KIF16B: variants seen among roughly 807,000 people sequenced by gnomAD.
The protein encoded by KIF16B is kinesin-like protein KIF16B.
Under a neutral mutation model 156.3 loss-of-function variants are expected in KIF16B, and 98 were observed. The ratio of observed to expected loss-of-function variants is 0.63; its 90% confidence interval spans 0.53 to 0.74. The LOEUF (loss-of-function observed/expected upper bound fraction) is 0.74. KIF16B is among the 30% of genes least tolerant of loss of function. The pLI, the probability that KIF16B is intolerant of heterozygous loss-of-function variation, is 0.00. For synonymous variants in KIF16B, 564 were observed against 583.7 expected, an observed-to-expected ratio of 0.97 and a Z score of 0.49; for missense variants, 1,421 against 1,606.5, an observed-to-expected ratio of 0.88 and a Z score of 1.97.
At position 16,407,311 on chromosome 20, in the gene KIF16B, C is replaced by T. The variant is rs1043690560; in HGVS notation, c.1613-855G>A. Among the ~76,000 whole-genome samples, 10 of 152,098 alleles carry T rather than the reference C, an allele frequency of 6.6e-5. No homozygotes were observed. The East Asian group carries it at 1.9e-3, about 29-fold the overall frequency. On this transcript the variant is annotated intron_variant, in intron 15 of 25. Coordinates refer to ENST00000354981, the MANE Select transcript of KIF16B (RefSeq NM_024704.5). ...GAGGTTCACTGTGTCTTCTGAAGTC[C>T]CATCCATGTATGAGAGGCCACGTGT... is the stretch of plus-strand genomic sequence containing the variant.
intron 15 of KIF16B, among the ~76,000 whole-genome samples, chr20:16,417,962 G>GA (rs200881936): frequency 4.0e-5 from 6 of 150,912 alleles, no homozygotes; most frequent in African/African-American, 1.2e-4. Flanking sequence ...TAGTGCGGGG[G>GA]AAAAAAAAAT....
At chr20:16,277,310 C>A (rs1183462068) in intron 25 of KIF16B, among the ~76,000 whole-genome samples, 2 of 152,120 alleles carry the variant, frequency 1.3e-5, no homozygotes, top group African/African-American at 2.4e-5. Flanking sequence ...CTGAACTCTT[C>A]TTCACTAATG....
chr20:16,382,459 T>G (rs1289463552), intron 17 of KIF16B, among the ~76,000 whole-genome samples: 1 of 152,220 alleles, frequency 6.6e-6, no homozygotes, highest in Non-Finnish European at 1.5e-5. Context: ...ATAGTTATAC[T>G]GCATGTAGGT....
chr20:16,279,367 G>C (rs1364554360), intron 25 of KIF16B, among the ~76,000 whole-genome samples: 1 of 152,140 alleles, frequency 6.6e-6, no homozygotes, highest in Non-Finnish European at 1.5e-5. Context: ...TCAAGAGTTT[G>C]AGAAATTCAG....
Position 16,381,702 on chromosome 20 carries a change from T to C in KIF16B, c.1830A>G (p.Glu610=). Residue 610 remains glutamate, a synonymous_variant, in exon 18 of 26, where the codon GAA becomes GAG. Coordinates refer to ENST00000354981, the MANE Select transcript of KIF16B (RefSeq NM_024704.5). ...AACCCCATGTGACTTACCTTTTACT[T>C]TCTAATTTTTCAAGTTCTTCACGCT... The part of the protein sequence containing the change: ...RQQREELEKL[E]SKRKLIEEME... 1 of 1,612,220 alleles carries C rather than the reference T, an allele frequency of 6.2e-7. No homozygotes were observed. Among genetic ancestry groups the C allele is most frequent in the African/African-American group, 1.3e-5 (1 of 75,014 alleles).
chr20:16,365,934 G>A (rs547259032), intron 22 of KIF16B, among the ~76,000 whole-genome samples: 12 of 152,318 alleles, frequency 7.9e-5, no homozygotes, highest in African/African-American at 2.9e-4. Flanking sequence ...GAGCAAGACA[G>A]AAGCACGTCT....
chr20:16,352,112 A>G (rs2064349666), intron 23 of KIF16B, among the ~76,000 whole-genome samples: 1 of 152,234 alleles, frequency 6.6e-6, no homozygotes, highest in Non-Finnish European at 1.5e-5. Flanking sequence ...CCTTGGTGCC[A>G]GAACATGGGC....
intron 12 of KIF16B, among the ~76,000 whole-genome samples, chr20:16,454,752 CT>C (rs2067171215): frequency 6.6e-6 from 1 of 152,050 alleles, no homozygotes; most frequent in Non-Finnish European, 1.5e-5. Flanking sequence ...GGAATCAAGG[CT>C]TTCAGCGTAA....
intron 25 of KIF16B, among the ~76,000 whole-genome samples, chr20:16,278,620 G>A (rs12480021): frequency 0.09 from 13,632 of 152,250 alleles, 872 homozygotes; most frequent in East Asian, 0.34. Context: ...CCATGGGTCT[G>A]TTCCAAAGAA....
At chr20:16,396,863 C>T (rs2146208377) in intron 17 of KIF16B, among the ~76,000 whole-genome samples, 1 of 151,844 alleles carries the variant, frequency 6.6e-6, no homozygotes, top group South Asian at 2.1e-4. Context: ...TGGGATGATG[C>T]TCCTTCAATG....
At chr20:16,312,237 T>C (rs2063629773) in intron 25 of KIF16B, 98 bp downstream of exon 25, 1 of 811,546 alleles carries the variant, frequency 1.2e-6, no homozygotes, top group African/African-American at 1.7e-5. Context: ...ATCTTCACAC[T>C]TGTGAAGAAA....
At chr20:16,304,641 T>G (rs1257142016) in intron 25 of KIF16B, among the ~76,000 whole-genome samples, 1 of 152,242 alleles carries the variant, frequency 6.6e-6, no homozygotes, top group African/African-American at 2.4e-5. Flanking sequence ...TCTCTATGTT[T>G]GATAATGGTT....
intron 12 of KIF16B, among the ~76,000 whole-genome samples, chr20:16,489,147 G>C (rs977247599): frequency 6.6e-6 from 1 of 152,168 alleles, no homozygotes. Flanking sequence ...AGTATTTCCC[G>C]AGGGCAAGGC....
chr20:16,494,445 C>A, intron 11 of KIF16B, 95 bp from the exon 12 acceptor site: 1 of 738,320 alleles, frequency 1.4e-6, no homozygotes, highest in South Asian at 1.9e-5. Flanking sequence ...GAAAGATGTA[C>A]TATAATTTTT....
intron 15 of KIF16B, among the ~76,000 whole-genome samples, chr20:16,411,204 C>T (rs56253434): frequency 0.012 from 1,777 of 152,218 alleles, 14 homozygotes; most frequent in Middle Eastern, 0.02. Flanking sequence ...TTTTCATGAT[C>T]AGCTTCCCAT....
intron 22 of KIF16B, chr20:16,367,327 T>A (rs745844596): frequency 6.2e-7 from 1 of 1,612,914 alleles, no homozygotes; most frequent in Admixed American, 1.7e-5. Flanking sequence ...CACTGAAGGT[T>A]TGAGTTTCTG....
chr20:16,324,189 C>T (rs999254687), intron 24 of KIF16B, among the ~76,000 whole-genome samples: 5 of 152,002 alleles, frequency 3.3e-5, no homozygotes, highest in African/African-American at 1.2e-4. Context: ...TCATTGTTAT[C>T]ATCCATGGAG....
intron 17 of KIF16B, among the ~76,000 whole-genome samples, chr20:16,404,193 G>T (rs967860081): frequency 6.6e-6 from 1 of 152,124 alleles, no homozygotes; most frequent in Non-Finnish European, 1.5e-5. Context: ...TGGTAGGAAA[G>T]ATAAAATTAT....
intron 25 of KIF16B, among the ~76,000 whole-genome samples, chr20:16,281,621 C>A (rs2122335884): frequency 6.6e-6 from 1 of 152,324 alleles, no homozygotes; most frequent in Admixed American, 6.5e-5. Flanking sequence ...GCTGGGTTCC[C>A]TTTCCAACAT....
Sources: gnomAD v4.1 joint callset for allele counts (sites outside exome capture counted in the v4.1 genomes callset) on GRCh38, gnomAD v4.1.1 for gene constraint, MANE v1.5 for transcripts, NCBI Gene and HGNC (gene_info 2026-07-23, HGNC 2026-07-21) for gene names.